The following SLC5A4 variants were observed in gnomAD, a reference collection of about 807,000 sequenced individuals.
SLC5A4 encodes probable glucose sensor protein SLC5A4.
SLC5A4 carries 55 observed loss-of-function variants against 70.3 expected under a neutral mutation model. The observed-to-expected ratio is 0.78, with a 90% CI of 0.63 to 0.98. The LOEUF is 0.98. Among genes scored for constraint, SLC5A4 ranks in the 50% least tolerant of loss-of-function variants. The probability of loss-of-function intolerance (pLI) is 0.00; values close to 1 mark genes in which losing one functional copy is unlikely to be tolerated. For synonymous variants in SLC5A4, 268 were observed against 305.7 expected, an observed-to-expected ratio of 0.88 and a Z score of 1.29; for missense variants, 735 against 839.2, an observed-to-expected ratio of 0.88 and a Z score of 1.53.
At chr22:32,223,820 T>C (rs1319172568) in intron 13 of SLC5A4, among the ~76,000 whole-genome samples, 1 of 152,258 alleles carries the variant, frequency 6.6e-6, no homozygotes, top group Non-Finnish European at 1.5e-5. Context: ...AAATTGTTCT[T>C]TATTTCAGTG....
At chr22:32,293,428 C>T in the SLC5A4 span, among the ~76,000 whole-genome samples, 1 of 151,818 alleles carries the variant, frequency 6.6e-6, no homozygotes, top group African/African-American at 2.4e-5. Context: ...CTTAATATTA[C>T]CTTGGAAGTT....
At chr22:32,308,583 C>G in the SLC5A4 span, among the ~76,000 whole-genome samples, 9 of 152,222 alleles carry the variant, frequency 5.9e-5, no homozygotes, top group Non-Finnish European at 1.3e-4. Flanking sequence ...TGTTAACCCC[C>G]ATTCCTGGCT....
the SLC5A4 span, among the ~76,000 whole-genome samples, chr22:32,325,074 G>A: frequency 3.9e-5 from 6 of 152,344 alleles, no homozygotes; most frequent in South Asian, 6.2e-4. Flanking sequence ...TCTGCAGGTC[G>A]CCTTGCCCCT....
the SLC5A4 span, among the ~76,000 whole-genome samples, chr22:32,334,560 C>A: frequency 8.9e-4 from 136 of 152,308 alleles, no homozygotes; most frequent in Middle Eastern, 0.02. Flanking sequence ...TGGTAGTGGC[C>A]TCTCACCAAA....
chr22:32,234,802 A>C, intron 8 of SLC5A4, 71 bp downstream of exon 8: 1 of 1,091,448 alleles, frequency 9.2e-7, no homozygotes, highest in Non-Finnish European at 1.4e-6. Context: ...AAGAAAGAAC[A>C]AGCACATGCA....
At chr22:32,254,959 T>C (rs903222422) in intron 1 of SLC5A4, among the ~76,000 whole-genome samples, 1 of 152,118 alleles carries the variant, frequency 6.6e-6, no homozygotes, top group South Asian at 2.1e-4. Context: ...TTATGCCAGG[T>C]GTTGGGGATG....
At chr22:32,298,809 T>C in the SLC5A4 span, among the ~76,000 whole-genome samples, 1 of 116,464 alleles carries the variant, frequency 8.6e-6, no homozygotes, top group Non-Finnish European at 1.8e-5. Flanking sequence ...TTCCTTTCCA[T>C]GTTTAGCACT....
the SLC5A4 span, among the ~76,000 whole-genome samples, chr22:32,297,684 A>G: frequency 0.092 from 6,505 of 70,978 alleles, 398 homozygotes; most frequent in Middle Eastern, 0.12. Flanking sequence ...GTTATTTCTT[A>G]CCTTCTGCTA....
the SLC5A4 span, among the ~76,000 whole-genome samples, chr22:32,315,262 C>CA: frequency 7.6e-6 from 1 of 132,376 alleles, no homozygotes; most frequent in Non-Finnish European, 1.6e-5. Flanking sequence ...TTATGACCAT[C>CA]ACAGAGAAGA....
chr22:32,324,144 A>T, the SLC5A4 span, among the ~76,000 whole-genome samples: 2 of 151,876 alleles, frequency 1.3e-5, no homozygotes, highest in African/African-American at 2.4e-5. Flanking sequence ...TCGCTATGGC[A>T]TTGACGCGGC....
the SLC5A4 span, among the ~76,000 whole-genome samples, chr22:32,317,613 C>T: frequency 6.6e-6 from 1 of 152,088 alleles, no homozygotes; most frequent in Non-Finnish European, 1.5e-5. Context: ...CAGGTGTGCA[C>T]CACTACACCC....
At chr22:32,258,093 C>A (rs1010605717), upstream of SLC5A4, among the ~76,000 whole-genome samples, 1 of 149,848 alleles carries the variant, frequency 6.7e-6, no homozygotes, top group Non-Finnish European at 1.5e-5. Context: ...TCAAGTGATT[C>A]TTCTCCTGCC....
At chr22:32,222,375 G>A (rs775369333) in intron 13 of SLC5A4, among the ~76,000 whole-genome samples, 21 of 152,090 alleles carry the variant, frequency 1.4e-4, no homozygotes, top group African/African-American at 2.9e-4. Context: ...TCTCATTTCT[G>A]CACTGGTAGG....
chr22:32,241,909 G>A (rs5994509), intron 5 of SLC5A4, among the ~76,000 whole-genome samples: 7 of 151,230 alleles, frequency 4.6e-5, no homozygotes, highest in African/African-American at 1.7e-4. Context: ...ATGACTTGGA[G>A]GGCCAGGATT....
intron 13 of SLC5A4, 77 bp downstream of exon 13, chr22:32,224,190 G>C: frequency 8.9e-7 from 1 of 1,128,186 alleles, no homozygotes; most frequent in Non-Finnish European, 1.3e-6. Context: ...AAAGTGCTGG[G>C]ATTACAGGCG....
At chr22:32,307,819 C>A in the SLC5A4 span, among the ~76,000 whole-genome samples, 2 of 152,216 alleles carry the variant, frequency 1.3e-5, no homozygotes, top group Admixed American at 6.5e-5. Context: ...GTGATTAGGG[C>A]GTCATCCAGG....
the SLC5A4 span, among the ~76,000 whole-genome samples, chr22:32,298,895 A>C: frequency 5.0e-5 from 5 of 99,138 alleles, no homozygotes; most frequent in Admixed American, 1.2e-4. Flanking sequence ...AAAGTATTTT[A>C]TTTCTCCTTC....
the SLC5A4 span, chr22:32,270,654 C>T: frequency 1.4e-6 from 1 of 724,920 alleles, no homozygotes; most frequent in Non-Finnish European, 2.6e-6. Flanking sequence ...ACAACCACTA[C>T]ATTGTCCAAG....
chr22:32,285,586 G>A, the SLC5A4 span, among the ~76,000 whole-genome samples: 6 of 151,760 alleles, frequency 4.0e-5, no homozygotes, highest in African/African-American at 1.5e-4. Context: ...TATAGTTTCC[G>A]GGTATCTGGT....
Sources: gnomAD v4.1 joint callset for allele counts (sites outside exome capture counted in the v4.1 genomes callset) on GRCh38, gnomAD v4.1.1 for gene constraint, MANE v1.5 for transcripts, NCBI Gene and HGNC (gene_info 2026-07-23, HGNC 2026-07-21) for gene names.